TRIM34: variants seen among roughly 807,000 people sequenced by gnomAD.
TRIM34 encodes E3 ubiquitin-protein ligase TRIM34.
A neutral mutation model predicts 38.1 loss-of-function variants in TRIM34; 41 were observed. That is an observed-to-expected ratio of 1.08 (90% CI 0.84 to 1.40). The LOEUF (loss-of-function observed/expected upper bound fraction) is 1.40. Among genes scored for constraint, TRIM34 ranks in the 40% most tolerant of loss-of-function variants. The pLI is 0.00. For missense variants in TRIM34, 556 were observed against 571.4 expected (o/e 0.97, Z 0.27); for synonymous variants, 200 against 202.5 (o/e 0.99, Z 0.10).
chr11:5,634,531 AT>A, intron 3 of TRIM34, 99 bp from the exon 4 acceptor site: 2 of 476,420 alleles, frequency 4.2e-6, no homozygotes, highest in Non-Finnish European at 3.1e-6. Flanking sequence ...ACACACACAC[AT>A]ATATATATAT....
chr11:5,641,233 A>G, intron 5 of TRIM34, 44 bp downstream of exon 5: 3 of 1,613,614 alleles, frequency 1.9e-6, no homozygotes, highest in Non-Finnish European at 2.5e-6. Context: ...GTTATAAAGA[A>G]GTGTTTGTAG....
At chr11:5,633,705 G>C (rs1849591524) in intron 2 of TRIM34, 99 bp from the exon 3 acceptor site, 1 of 1,206,916 alleles carries the variant, frequency 8.3e-7, no homozygotes, top group South Asian at 1.6e-5. Flanking sequence ...TCTGTAAATT[G>C]CTTTTTTCTG....
intron 1 of TRIM34, among the ~76,000 whole-genome samples, chr11:5,631,669 T>C (rs373377420): frequency 6.6e-6 from 1 of 152,170 alleles, no homozygotes; most frequent in South Asian, 2.1e-4. Context: ...TCTGGGGTTC[T>C]AAAGTTCAGC....
chr11:5,638,198 T>C (rs537003603), intron 4 of TRIM34, among the ~76,000 whole-genome samples: 2 of 152,316 alleles, frequency 1.3e-5, no homozygotes, highest in Admixed American at 6.5e-5. Flanking sequence ...AAGTTCTCCT[T>C]TTTAGCAGAA....
chr11:5,639,793 GATTTACT>G (rs1323010799), intron 4 of TRIM34, among the ~76,000 whole-genome samples: 1 of 150,048 alleles, frequency 6.7e-6, no homozygotes, highest in Non-Finnish European at 1.5e-5. Flanking sequence ...AAAAGAGAGA[GATTTACT>G]ATTTTCTTTC....
intron 4 of TRIM34, 109 bp downstream of exon 4, chr11:5,634,970 G>C: frequency 8.4e-7 from 1 of 1,184,538 alleles, no homozygotes; most frequent in Non-Finnish European, 1.2e-6. Context: ...TTGCAGTGCC[G>C]CCTTGTCGTC....
chr11:5,632,917 T>C (rs1288159966), intron 2 of TRIM34, among the ~76,000 whole-genome samples, 163 bp downstream of exon 2: 1 of 136,610 alleles, frequency 7.3e-6, no homozygotes, highest in Non-Finnish European at 1.5e-5. Flanking sequence ...ACCTCTGCCC[T>C]CTGAGTTCAA....
At chr11:5,634,886 A>G in intron 4 of TRIM34, 25 bp downstream of exon 4, 3 of 1,604,268 alleles carry the variant, frequency 1.9e-6, no homozygotes, top group Non-Finnish European at 2.6e-6. Flanking sequence ...TCAATCTGAG[A>G]TTCTGGGAAC....
chr11:5,636,194 T>C (rs1564887369), intron 4 of TRIM34, among the ~76,000 whole-genome samples: 1 of 152,212 alleles, frequency 6.6e-6, no homozygotes, highest in African/African-American at 2.4e-5. Flanking sequence ...TGTTTAGCTG[T>C]GAAAAATAAT....
upstream of TRIM34, among the ~76,000 whole-genome samples, chr11:5,623,590 C>A (rs1590148483): frequency 6.7e-6 from 1 of 148,568 alleles, no homozygotes; most frequent in African/African-American, 2.5e-5. Context: ...CCATGTTAGC[C>A]AGGGTGGTCT....
chr11:5,634,789 G>A lies in TRIM34; in HGVS notation c.678G>A (p.Gln226=), dbSNP rs771984479. ...FAEAEDELVQ[Q]KQLVRELISD... ...AGGCTGAGGATGAGCTAGTTCAGCA[G>A]AAGCAGTTGGTGAGAGAGCTCATCT... Residue 226 remains glutamine, a synonymous_variant, in exon 4 of 8, where the codon CAG becomes CAA. Coordinates refer to ENST00000429814, the MANE Select transcript of TRIM34 (RefSeq NM_021616.6). The A allele has an allele frequency of 5.0e-6, 8 of 1,613,940 alleles. No homozygotes were observed. Among genetic ancestry groups the A allele is most frequent in the Middle Eastern group, 3.3e-4 (2 of 6,058 alleles).
At chr11:5,622,634 CAAAT>C (rs1453279535), upstream of TRIM34, among the ~76,000 whole-genome samples, 1 of 83,762 alleles carries the variant, frequency 1.2e-5, no homozygotes, top group Non-Finnish European at 2.1e-5. Flanking sequence ...AACAAACAAA[CAAAT>C]AAAAAAAACC....
intron 1 of TRIM34, among the ~76,000 whole-genome samples, chr11:5,628,211 G>C (rs2133913672): frequency 6.6e-6 from 1 of 152,364 alleles, no homozygotes; most frequent in Middle Eastern, 3.4e-3. Context: ...TGAAGTCACA[G>C]CCCGTGGCAG....
At chr11:5,620,839 T>A (rs1281003795), upstream of TRIM34, among the ~76,000 whole-genome samples, 1 of 152,220 alleles carries the variant, frequency 6.6e-6, no homozygotes, top group African/African-American at 2.4e-5. Context: ...TACAGTGAGA[T>A]AGCAAGGCAA....
upstream of TRIM34, among the ~76,000 whole-genome samples, chr11:5,620,293 TC>T (rs112375740): frequency 0.063 from 9,368 of 148,000 alleles, 887 homozygotes; most frequent in African/African-American, 0.21. Context: ...TTCTCCTGCC[TC>T]AACCTCCCAA....
At chr11:5,620,647 G>GTC (rs111537348), upstream of TRIM34, among the ~76,000 whole-genome samples, 8,931 of 152,218 alleles carry the variant, frequency 0.059, 344 homozygotes, top group East Asian at 0.17. Context: ...GCCCAGCTAA[G>GTC]TCTCCATTTT....
In TRIM34 at chr11:5,634,739, A is replaced by T; in HGVS notation, c.628A>T (p.Lys210Ter). The T allele has an allele frequency of 6.2e-7, 1 of 1,614,076 alleles. No homozygotes were observed. The highest frequency in any genetic ancestry group is 8.5e-7 in the Non-Finnish European group (1 of 1,179,976). ...GCTGCAAAGATTGGAAGAAGAAGAA[A>T]AGAAGACGCTGGATAAGTTTGCAGA... Reference protein sequence around the residue: ...RELQRLEEEEKKTLDKFAEAE... With the variant: ...RELQRLEEEE Residue 210 changes from lysine (K) to a stop codon, truncating the protein, a stop_gained, in exon 4 of 8, where the codon AAG (lysine) becomes TAG (stop). Transcript: ENST00000429814. LOFTEE classifies it high-confidence loss of function.
chr11:5,626,651 AG>A (rs1849250554), intron 1 of TRIM34: 1 of 152,090 alleles, frequency 6.6e-6, no homozygotes, highest in African/African-American at 2.4e-5. Flanking sequence ...AGGACAAGGC[AG>A]GAAGATCACC....
intron 1 of TRIM34, among the ~76,000 whole-genome samples, chr11:5,629,121 C>T (rs1287480619): frequency 6.6e-6 from 1 of 151,920 alleles, no homozygotes; most frequent in Non-Finnish European, 1.5e-5. Context: ...TACTAAAAAT[C>T]TAAAAATTAG....
Sources: gnomAD v4.1 joint callset for allele counts (sites outside exome capture counted in the v4.1 genomes callset) on GRCh38, gnomAD v4.1.1 for gene constraint, MANE v1.5 for transcripts, NCBI Gene and HGNC (gene_info 2026-07-23, HGNC 2026-07-21) for gene names.